Variants in MERTK observed in about 807,000 individuals in gnomAD.
MERTK encodes the protein MER proto-oncogene, tyrosine kinase.
In MERTK, 69 loss-of-function variants were observed where a neutral mutation model predicts 99.3. That is an observed-to-expected ratio of 0.70 (90% CI 0.57 to 0.85). MERTK has a LOEUF of 0.85. Ranked by LOEUF, MERTK falls within the 40% of genes least tolerant of loss-of-function variation. The pLI is 0.00. For missense variants in MERTK, 1,125 were observed against 1,249.4 expected (o/e 0.90, Z 1.50); for synonymous variants, 426 against 467.6 (o/e 0.91, Z 1.15).
rs780025521 is a variant in MERTK at position 112,022,612 on chromosome 2, C to A, written c.2486+218C>A. ...TCCAGTGAGCCCACTGAGGCTCACT[C>A]ATCCAAAGGGCCTCAGTCTCGAACG... On this transcript the variant is annotated intron_variant, in intron 18 of 18. Coordinates refer to ENST00000295408, the MANE Select transcript of MERTK (RefSeq NM_006343.3). 2.7e-5 allele frequency: 21 copies of A among 789,630 alleles called. No homozygotes were observed. The Admixed American group carries it at 3.4e-4, about 13-fold the overall frequency. 48.9% of individuals were successfully genotyped at this position (789,630 alleles called of 1,614,324 possible). A position where few individuals can be genotyped will look rare whatever the true frequency, so the allele number is the denominator to read the frequency against.
chr2:111,982,779 G>A, intron 7 of MERTK, 63 bp from the exon 8 acceptor site: 2 of 1,583,274 alleles, frequency 1.3e-6, no homozygotes, highest in Non-Finnish European at 1.7e-6. Context: ...TGAAAACCCA[G>A]ATGAGAATAC....
chr2:112,026,052 A>G (rs1677454491), intron 18 of MERTK: 2 of 153,950 alleles, frequency 1.3e-5, no homozygotes, highest in Middle Eastern at 7.1e-4. Context: ...AGCAATTACC[A>G]AACTTATTTT....
At chr2:111,986,683 C>A (rs10207726) in intron 8 of MERTK, among the ~76,000 whole-genome samples, 2 of 152,028 alleles carry the variant, frequency 1.3e-5, no homozygotes, top group Non-Finnish European at 2.9e-5. Flanking sequence ...TTGTTCAGAA[C>A]GGTCCCCTCT....
intron 6 of MERTK, among the ~76,000 whole-genome samples, chr2:111,970,118 T>C (rs1676072951): frequency 6.6e-6 from 1 of 152,136 alleles, no homozygotes; most frequent in Non-Finnish European, 1.5e-5. Context: ...TTTTTTGTGA[T>C]TGATTTTTTT....
Position 111,912,767 on chromosome 2 carries a change from C to T in MERTK, c.61+13971C>T, listed in dbSNP as rs577003374. On this transcript the variant is annotated intron_variant, in intron 1 of 18. Coordinates refer to ENST00000295408, the MANE Select transcript of MERTK (RefSeq NM_006343.3). Reference sequence around the variant, plus strand: ...CACTCATGCTTATCATTCAGTGCCCCATCCTCACCCTTGGCTGTCACACAC... The same window carrying T: ...CACTCATGCTTATCATTCAGTGCCCTATCCTCACCCTTGGCTGTCACACAC... Among the ~76,000 whole-genome samples the T allele has an allele frequency of 1.4e-4, 21 of 152,288 alleles. No homozygotes were observed. The South Asian group carries it at 4.4e-3, about 32-fold the overall frequency.
intron 16 of MERTK, 36 bp from the exon 17 acceptor site, chr2:112,021,386 T>G (rs752517499): frequency 1.2e-6 from 2 of 1,611,570 alleles, no homozygotes; most frequent in East Asian, 4.5e-5. Context: ...AGGCATTGCC[T>G]CTGACGCTGC....
At chr2:111,959,952 A>G (rs189306115) in intron 4 of MERTK, among the ~76,000 whole-genome samples, 189 of 152,352 alleles carry the variant, frequency 1.2e-3, no homozygotes, top group Non-Finnish European at 2.2e-3. Context: ...CATCTATGCT[A>G]TGGCATCATC....
chr2:111,919,213 C>T (rs544412114), intron 1 of MERTK, among the ~76,000 whole-genome samples: 3 of 152,276 alleles, frequency 2.0e-5, no homozygotes, highest in African/African-American at 7.2e-5. Context: ...TGAGGATTTG[C>T]GAGCTCCATC....
chr2:111,947,590 T>C, intron 4 of MERTK, 23 bp downstream of exon 4: 6 of 1,613,306 alleles, frequency 3.7e-6, no homozygotes, highest in South Asian at 1.1e-5. Flanking sequence ...TGTGGGCTTA[T>C]TGATTTATTC....
intron 13 of MERTK, among the ~76,000 whole-genome samples, chr2:112,007,705 G>A (rs1677012604): frequency 6.6e-6 from 1 of 151,660 alleles, no homozygotes; most frequent in African/African-American, 2.4e-5. Context: ...GTATGAAAAT[G>A]CATCCAACTC....
In MERTK at chr2:112,008,395, C is replaced by A. The variant is rs561024743; in HGVS notation, c.1880C>A (p.Ser627Ter). The A allele has an allele frequency of 1.2e-6, 2 of 1,613,614 alleles. No homozygotes were observed. Among genetic ancestry groups the A allele is most frequent in the South Asian group, 2.2e-5 (2 of 91,066 alleles). ...AVKTMKLDNSSQREIEEFLSE... is the reference protein window; with the variant it reads ...AVKTMKLDNS ...TTTTCTCCTCTAGTGGACAACTCTT[C>A]ACAGCGGGAGATCGAGGAGTTTCTC... Residue 627 changes from serine to a stop codon, truncating the protein, a stop_gained, in exon 14 of 19, where the codon TCA becomes TAA. Coordinates refer to ENST00000295408, the MANE Select transcript of MERTK (RefSeq NM_006343.3). LOFTEE classifies it high-confidence loss of function.
chr2:111,958,882 G>A (rs564851118), intron 4 of MERTK, among the ~76,000 whole-genome samples: 11 of 152,052 alleles, frequency 7.2e-5, no homozygotes, highest in Non-Finnish European at 1.5e-4. Flanking sequence ...CCACAGGGCT[G>A]GCTCTTCCCC....
chr2:111,945,826 C>G (rs1450111311), intron 3 of MERTK, among the ~76,000 whole-genome samples: 1 of 152,248 alleles, frequency 6.6e-6, no homozygotes, highest in African/African-American at 2.4e-5. Context: ...TCAGAGGTCA[C>G]TCCTCACTAC....
chr2:111,934,540 T>G (rs575818569), intron 2 of MERTK, among the ~76,000 whole-genome samples: 9 of 152,340 alleles, frequency 5.9e-5, no homozygotes, highest in African/African-American at 2.2e-4. Context: ...TGTCTGTTCA[T>G]ATCCTTTGCC....
At chr2:111,945,920 T>C (rs1684953847) in intron 3 of MERTK, among the ~76,000 whole-genome samples, 1 of 152,248 alleles carries the variant, frequency 6.6e-6, no homozygotes, top group Non-Finnish European at 1.5e-5. Context: ...ACCTCCCTTT[T>C]CTACTTTATC....
At chr2:111,932,708 T>C (rs1297327057) in intron 2 of MERTK, among the ~76,000 whole-genome samples, 1 of 152,200 alleles carries the variant, frequency 6.6e-6, no homozygotes, top group Non-Finnish European at 1.5e-5. Flanking sequence ...GAGGGGCTCC[T>C]GGCCAATTTT....
At chr2:111,974,474 G>C (rs1166240164) in intron 6 of MERTK, among the ~76,000 whole-genome samples, 1 of 151,534 alleles carries the variant, frequency 6.6e-6, no homozygotes. Context: ...ATAATAAAAA[G>C]AAAGATTAAG....
At chr2:112,016,519 T>C (rs1199864816) in intron 15 of MERTK, among the ~76,000 whole-genome samples, 1 of 152,190 alleles carries the variant, frequency 6.6e-6, no homozygotes, top group Non-Finnish European at 1.5e-5. Flanking sequence ...ATCAGTGCAT[T>C]TGATACTGCG....
At chr2:112,018,508 T>G (rs1254198821) in intron 15 of MERTK, among the ~76,000 whole-genome samples, 1 of 152,142 alleles carries the variant, frequency 6.6e-6, no homozygotes, top group South Asian at 2.1e-4. Flanking sequence ...TCATTGAAAA[T>G]GCAATGTCTT....
Sources: allele counts gnomAD v4.1 joint callset (sites outside exome capture counted in the v4.1 genomes callset), GRCh38; gene constraint gnomAD v4.1.1; transcripts MANE v1.5; gene names NCBI Gene and HGNC (gene_info 2026-07-23, HGNC 2026-07-21).